The following KDM1A variants were observed in gnomAD, a reference collection of about 807,000 sequenced individuals.
KDM1A encodes lysine demethylase 1A.
Under a neutral mutation model 109.4 loss-of-function variants are expected in KDM1A, and 49 were observed. That is an observed-to-expected ratio of 0.45 (90% confidence interval 0.36 to 0.57). KDM1A has a LOEUF of 0.57. Ranked by LOEUF, KDM1A falls within the 20% of genes least tolerant of loss-of-function variation. The pLI is 0.00. For synonymous variants in KDM1A, 380 were observed against 415.4 expected (o/e 0.91, Z 1.04); for missense variants, 668 against 1,116.6 (o/e 0.60, Z 5.73).
At position 23,071,259 on chromosome 1, in the gene KDM1A, A is replaced by T. The variant is rs1212443097; in HGVS notation, c.1448A>T (p.His483Leu). The change falls in exon 13 of 21, where the codon CAT (histidine) becomes CTT (leucine). Residue 483 changes from histidine to leucine, a missense_variant. Physicochemically the swap from His to Leu is moderately conservative, Grantham distance 99. Transcript: ENST00000400181. ...VNLKEKIKEL[H>L]QQYKEASEVK... is the part of the protein sequence containing the mutation. ...TTGAAAGAGAAAATTAAAGAACTCC[A>T]TCAGCAATACAAAGAAGCATCTGAA... 1.2e-6 allele frequency: 2 copies of T among 1,602,180 alleles called. No homozygotes were observed. The highest frequency in any genetic ancestry group is 1.7e-6 in the Non-Finnish European group (2 of 1,176,198).
intron 9 of KDM1A, among the ~76,000 whole-genome samples, chr1:23,061,371 G>C (rs897428489): frequency 6.6e-6 from 1 of 152,092 alleles, no homozygotes; most frequent in Admixed American, 6.5e-5. Context: ...CCTCATGTGT[G>C]GTTTTTAGCA....
chr1:23,035,731 T>G (rs1642123929), intron 2 of KDM1A, among the ~76,000 whole-genome samples: 1 of 152,168 alleles, frequency 6.6e-6, no homozygotes, highest in Non-Finnish European at 1.5e-5. Context: ...CAATGAAATT[T>G]GATCACAAAT....
chr1:23,020,831 A>G (rs1057149245), intron 1 of KDM1A, among the ~76,000 whole-genome samples: 1 of 152,174 alleles, frequency 6.6e-6, no homozygotes, highest in Non-Finnish European at 1.5e-5. Flanking sequence ...TGTAATTCCC[A>G]CATTCATGTT....
intron 1 of KDM1A, among the ~76,000 whole-genome samples, chr1:23,021,920 A>G (rs1641644231): frequency 6.6e-6 from 1 of 152,212 alleles, no homozygotes; most frequent in Admixed American, 6.5e-5. Context: ...AACATTTTAT[A>G]TAAAATCTTA....
At chr1:23,065,443 G>A (rs1038503595) in intron 9 of KDM1A, among the ~76,000 whole-genome samples, 23 of 152,160 alleles carry the variant, frequency 1.5e-4, no homozygotes, top group African/African-American at 5.1e-4. Flanking sequence ...AGTATTTTAT[G>A]TATTATTTTC....
At chr1:23,070,664 T>C (rs1643291366) in intron 12 of KDM1A, among the ~76,000 whole-genome samples, 1 of 151,694 alleles carries the variant, frequency 6.6e-6, no homozygotes, top group South Asian at 2.1e-4. Flanking sequence ...AAAAATTAGT[T>C]GGGCATGGTG....
intron 2 of KDM1A, among the ~76,000 whole-genome samples, chr1:23,037,184 A>G (rs957239973): frequency 6.6e-6 from 1 of 151,668 alleles, no homozygotes; most frequent in African/African-American, 2.4e-5. Context: ...TATGTCTGTA[A>G]TCTCAGCTAC....
intron 2 of KDM1A, among the ~76,000 whole-genome samples, chr1:23,042,835 G>GC (rs1311028634): frequency 1.3e-5 from 2 of 151,744 alleles, no homozygotes. Flanking sequence ...TGCAGCCTCT[G>GC]CCCCCCAGGT....
At position 23,073,375 on chromosome 1, in the gene KDM1A, C is replaced by G. The variant is rs1303600379; in HGVS notation, c.1706C>G (p.Ser569Ter). The G allele has an allele frequency of 6.2e-7, 1 of 1,608,880 alleles. No individual in the cohort carries two copies. The highest frequency in any genetic ancestry group is 1.7e-4 in the Middle Eastern group (1 of 6,058). Residue 569 changes from serine to a stop codon, truncating the protein, a stop_gained, in exon 15 of 21, where the codon TCA becomes TGA. Transcript: ENST00000400181. LOFTEE classifies it high-confidence loss of function. ...NLEFANATPL[S>*]TLSLKHWDQD... The stretch of plus-strand genomic sequence containing the variant: ...GAATTTGCTAATGCCACACCTCTCT[C>G]AACTCTCTCCCTTAAGCACTGGGAT...
intron 12 of KDM1A, among the ~76,000 whole-genome samples, chr1:23,070,747 G>A (rs1295283288): frequency 6.6e-6 from 1 of 151,942 alleles, no homozygotes; most frequent in Non-Finnish European, 1.5e-5. Flanking sequence ...GGCAGAGCTT[G>A]CAGTGAGCCG....
At chr1:23,020,004 T>C in intron 1 of KDM1A, 57 bp downstream of exon 1, 1 of 1,397,372 alleles carries the variant, frequency 7.2e-7, no homozygotes, top group Non-Finnish European at 9.3e-7. Context: ...TCCCCGAGGC[T>C]TCTCCGCCCT....
rs548886631 is a variant in KDM1A at position 23,081,170 on chromosome 1, T to C, written c.2171-276T>C. On this transcript the variant is annotated intron_variant, in intron 18 of 20. Transcript: ENST00000400181. ...CTTTTATTAGCAAGATCTGAAATTA[T>C]ATCTTCAGAACTGCTGTATTTTGCC... 23 of 329,866 alleles carry C rather than the reference T, an allele frequency of 7.0e-5. No individual in the cohort carries two copies. The South Asian group carries it at 1.1e-3, about 16-fold the overall frequency. The allele number at this position is 329,866 out of a possible 1,614,324, so 20.4% of individuals were successfully genotyped here.
rs1293305330 is a variant in KDM1A at position 23,059,147 on chromosome 1, T to C, written c.1147T>C (p.Tyr383His). Residue 383 changes from tyrosine (Y) to histidine (H), a missense_variant, in exon 9 of 21, where the codon TAT becomes CAT. Physicochemically the swap from Tyr to His is moderately conservative, Grantham distance 83. This residue lies in a region of KDM1A where 53 missense variants were observed against 122.5 expected (regional missense o/e 0.43). Transcript: ENST00000400181. The stretch of plus-strand genomic sequence containing the variant: ...CAAGATCAAGCAAAAATGCCCACTT[T>C]ATGAAGCCAACGGACAAGCTGTAAG... ...LAKIKQKCPL[Y>H]EANGQADTVK... 6.2e-7 allele frequency: 1 copy of C among 1,613,000 alleles called. No individual in the cohort carries two copies.
At chr1:23,050,321 G>GC in intron 3 of KDM1A, 66 bp from the exon 4 acceptor site, 1 of 1,480,368 alleles carries the variant, frequency 6.8e-7, no homozygotes, top group Non-Finnish European at 9.0e-7. Context: ...AGGAATTTAA[G>GC]CGTCATCACT....
chr1:23,075,723 G>A (rs1356065546), intron 15 of KDM1A, among the ~76,000 whole-genome samples: 2 of 151,948 alleles, frequency 1.3e-5, no homozygotes, highest in Admixed American at 6.6e-5. Context: ...CAAGGCAGGC[G>A]GATCACCTCA....
At chr1:23,034,838 T>C (rs1187332020) in intron 2 of KDM1A, among the ~76,000 whole-genome samples, 1 of 152,230 alleles carries the variant, frequency 6.6e-6, no homozygotes, top group Non-Finnish European at 1.5e-5. Context: ...AAATGGGTTA[T>C]TAAGATGCCT....
rs1469123689 is a variant in KDM1A at position 23,079,944 on chromosome 1, G to A, written c.2170+277G>A. Among the ~76,000 whole-genome samples, 1 of 152,174 alleles carries A rather than the reference G, an allele frequency of 6.6e-6. No individual in the cohort carries two copies. Among genetic ancestry groups the A allele is most frequent in the Non-Finnish European group, 1.5e-5 (1 of 68,026 alleles). On this transcript the variant is annotated intron_variant, in intron 18 of 20. Transcript: ENST00000400181. This position sits in a 1 kb window ranked among gnomAD's most constrained non-coding sequence, Gnocchi z 5.6. ...AGGTTACTGGAGGTCCACTCAGCCT[G>A]GAGGGATAGGCCCAGGGAGGCTTCC...
intron 9 of KDM1A, chr1:23,059,494 G>T: frequency 1.7e-5 from 6 of 362,786 alleles, no homozygotes; most frequent in Non-Finnish European, 2.7e-5. Flanking sequence ...CTGATTCTTC[G>T]GTTTTTTTTG....
intron 14 of KDM1A, among the ~76,000 whole-genome samples, chr1:23,072,532 C>T (rs557617766): frequency 3.3e-5 from 5 of 152,264 alleles, no homozygotes; most frequent in African/African-American, 4.8e-5. Context: ...TGGAAACTAG[C>T]GGGGTATTAT....
Sources: gnomAD v4.1 joint callset for allele counts (sites outside exome capture counted in the v4.1 genomes callset) on GRCh38, gnomAD v4.1.1 for gene constraint, gnomAD v4.1.1 regional missense constraint, Gnocchi (gnomAD v3.1) non-coding constraint, MANE v1.5 for transcripts, NCBI Gene and HGNC (gene_info 2026-07-23, HGNC 2026-07-21) for gene names.